PLEKHA5: variants seen among roughly 807,000 people sequenced by gnomAD.
The protein encoded by PLEKHA5 is pleckstrin homology domain-containing family A member 5.
In PLEKHA5, 55 loss-of-function variants were observed where a neutral mutation model predicts 181.9. The ratio of observed to expected loss-of-function variants is 0.30; its 90% CI spans 0.24 to 0.38. The LOEUF is 0.38. Among genes scored for constraint, PLEKHA5 ranks in the 10% least tolerant of loss-of-function variants. PLEKHA5 has a pLI of 1.00. For synonymous variants in PLEKHA5, 535 were observed against 529.4 expected (o/e 1.01, Z -0.15); for missense variants, 1,432 against 1,549.5 (o/e 0.92, Z 1.27).
intron 3 of PLEKHA5, among the ~76,000 whole-genome samples, chr12:19,190,477 G>A (rs1377827684): frequency 6.6e-6 from 1 of 152,322 alleles, no homozygotes. Flanking sequence ...TACATGTGTG[G>A]CCCTCATCAT....
intron 3 of PLEKHA5, among the ~76,000 whole-genome samples, chr12:19,185,407 T>C (rs776245963): frequency 9.9e-5 from 15 of 151,932 alleles, no homozygotes; most frequent in Non-Finnish European, 2.1e-4. Flanking sequence ...GAATGTCTTA[T>C]GTTGGATTTG....
intron 15 of PLEKHA5, chr12:19,307,198 C>T: frequency 3.2e-6 from 2 of 626,390 alleles, no homozygotes; most frequent in Non-Finnish European, 5.8e-6. Flanking sequence ...AGGGGCCCCA[C>T]ATGGTGGCTC....
At chr12:19,313,927 A>C (rs2087546789) in intron 15 of PLEKHA5, among the ~76,000 whole-genome samples, 2 of 152,150 alleles carry the variant, frequency 1.3e-5, no homozygotes, top group Admixed American at 6.5e-5. Context: ...TGAACCAGTA[A>C]AGTAGCATTT....
chr12:19,295,224 C>T (rs1350976696), intron 15 of PLEKHA5, among the ~76,000 whole-genome samples: 2 of 152,162 alleles, frequency 1.3e-5, no homozygotes, highest in African/African-American at 4.8e-5. Context: ...TCTTCTCATC[C>T]AGCTTAGTTG....
At chr12:19,359,240 A>C (rs1461324853) in intron 27 of PLEKHA5, among the ~76,000 whole-genome samples, 172 bp from the exon 28 acceptor site, 3 of 152,186 alleles carry the variant, frequency 2.0e-5, no homozygotes, top group African/African-American at 7.2e-5. Flanking sequence ...AGTTGAGAAA[A>C]ATGTGTGGAA....
intron 3 of PLEKHA5, among the ~76,000 whole-genome samples, chr12:19,142,186 C>T (rs916328372): frequency 6.7e-6 from 1 of 150,124 alleles, no homozygotes; most frequent in African/African-American, 2.5e-5. Flanking sequence ...ATAGTGTGAC[C>T]CCCAATCTCT....
Position 19,348,453 on chromosome 12 carries a change from G to A in PLEKHA5, c.2953G>A (p.Val985Ile). 6.3e-7 allele frequency: 1 copy of A among 1,582,506 alleles called. No individual in the cohort carries two copies. The highest frequency in any genetic ancestry group is 1.2e-5 in the South Asian group (1 of 86,366). Residue 985 changes from valine (V) to isoleucine (I), a missense_variant, in exon 25 of 32, where the codon GTT becomes ATT. Val to Ile is a conservative substitution (Grantham distance 29, BLOSUM62 3). Transcript: ENST00000429027. Reference protein sequence around the residue: ...SEPELTTVAEVDESNGEEKSE... With the variant: ...SEPELTTVAEIDESNGEEKSE... ...ACCAGAGTTAACAACAGTGGCAGAAGTTGATGAATCTAATGGAGAAGAAAA... is the reference window on the plus strand; with the variant it reads ...ACCAGAGTTAACAACAGTGGCAGAAATTGATGAATCTAATGGAGAAGAAAA...
chr12:19,349,616 A>C (rs1565649508), intron 25 of PLEKHA5, among the ~76,000 whole-genome samples: 1 of 152,112 alleles, frequency 6.6e-6, no homozygotes. Flanking sequence ...TAGATTAAAA[A>C]GATAGATAGG....
intron 20 of PLEKHA5, among the ~76,000 whole-genome samples, chr12:19,328,244 T>A (rs1234136574): frequency 2.0e-5 from 3 of 152,194 alleles, no homozygotes; most frequent in Non-Finnish European, 2.9e-5. Context: ...TATAGTATAG[T>A]TTGAAGTCAG....
intron 3 of PLEKHA5, among the ~76,000 whole-genome samples, chr12:19,251,110 A>G (rs1286855912): frequency 1.3e-5 from 2 of 152,168 alleles, no homozygotes; most frequent in Non-Finnish European, 2.9e-5. Context: ...TCTGAAATTG[A>G]GTTGAAAGCT....
chr12:19,294,905 A>G (rs899191698), intron 15 of PLEKHA5, among the ~76,000 whole-genome samples: 4 of 152,240 alleles, frequency 2.6e-5, no homozygotes. Flanking sequence ...TGAATCATGT[A>G]TTAAAGTGGT....
At chr12:19,287,216 C>A (rs1001901249) in intron 12 of PLEKHA5, among the ~76,000 whole-genome samples, 7 of 152,218 alleles carry the variant, frequency 4.6e-5, no homozygotes, top group African/African-American at 1.7e-4. Flanking sequence ...GTTGGCTAGG[C>A]TGGTCTCGAA....
At chr12:19,261,356 G>A (rs2068425450) in intron 7 of PLEKHA5, among the ~76,000 whole-genome samples, 1 of 152,016 alleles carries the variant, frequency 6.6e-6, no homozygotes, top group African/African-American at 2.4e-5. Context: ...CTAGCTTATG[G>A]GTCCTTCAAG....
intron 11 of PLEKHA5, among the ~76,000 whole-genome samples, chr12:19,276,340 A>G (rs1343230137): frequency 6.6e-6 from 1 of 152,172 alleles, no homozygotes; most frequent in East Asian, 1.9e-4. Flanking sequence ...TCGGGATATA[A>G]TTGACAAGTC....
intron 20 of PLEKHA5, among the ~76,000 whole-genome samples, chr12:19,333,995 G>T (rs1353717589): frequency 6.6e-6 from 1 of 152,098 alleles, no homozygotes; most frequent in African/African-American, 2.4e-5. Context: ...AGATTTTAAG[G>T]TAATTGTATA....
chr12:19,192,479 C>G (rs778332755), intron 3 of PLEKHA5, among the ~76,000 whole-genome samples: 3 of 152,150 alleles, frequency 2.0e-5, no homozygotes, highest in South Asian at 2.1e-4. Flanking sequence ...GGGCAGATCA[C>G]TTGAAGTCAG....
At chr12:19,212,407 G>C (rs1000887646) in intron 3 of PLEKHA5, among the ~76,000 whole-genome samples, 1 of 152,172 alleles carries the variant, frequency 6.6e-6, no homozygotes, top group African/African-American at 2.4e-5. Flanking sequence ...AATTGGCTGC[G>C]TGTGGTGGCC....
chr12:19,249,946 C>T (rs1275100851), intron 3 of PLEKHA5, among the ~76,000 whole-genome samples: 1 of 152,170 alleles, frequency 6.6e-6, no homozygotes, highest in Non-Finnish European at 1.5e-5. Context: ...GGCTTCCCAC[C>T]CTCAGCACTG....
At chr12:19,341,237 G>T (rs939681148) in intron 21 of PLEKHA5, among the ~76,000 whole-genome samples, 1 of 152,160 alleles carries the variant, frequency 6.6e-6, no homozygotes, top group Admixed American at 6.5e-5. Flanking sequence ...AGATCACATC[G>T]CTGCACTCCA....
Sources: gnomAD v4.1 joint callset for allele counts (sites outside exome capture counted in the v4.1 genomes callset) on GRCh38, gnomAD v4.1.1 for gene constraint, MANE v1.5 for transcripts, NCBI Gene and HGNC (gene_info 2026-07-23, HGNC 2026-07-21) for gene names.